Variants in TYMS observed in about 807,000 individuals in gnomAD.
The protein encoded by TYMS is thymidylate synthase.
Under a neutral mutation model 39.3 loss-of-function variants are expected in TYMS, and 21 were observed. That is an observed-to-expected ratio of 0.54 (90% CI 0.38 to 0.77). TYMS has a LOEUF of 0.77. Among genes scored for constraint, TYMS ranks in the 30% least tolerant of loss-of-function variants. The pLI, the probability that TYMS is intolerant of heterozygous loss-of-function variation, is 0.00. For missense variants in TYMS, 273 were observed against 406.7 expected (o/e 0.67, Z 2.83); for synonymous variants, 171 against 162.2 (o/e 1.05, Z -0.41).
chr18:673,060 T>TA lies in TYMS; in HGVS notation c.*67dup. Reference sequence around the variant, plus strand: ...TTAGGGGTTGGGCTGGATGCCGAGGTAAAAGTTCTTTTTGCTCTAAAAGAA... The same window carrying TA: ...TTAGGGGTTGGGCTGGATGCCGAGGTAAAAAGTTCTTTTTGCTCTAAAAGAA... On this transcript the variant is annotated 3_prime_UTR_variant, in exon 7 of 7. Transcript: ENST00000323274. The TA allele has an allele frequency of 7.0e-7, 1 of 1,431,622 alleles. No individual in the cohort carries two copies. Among genetic ancestry groups the TA allele is most frequent in the Non-Finnish European group, 9.3e-7 (1 of 1,074,874 alleles). 88.7% of individuals were successfully genotyped at this position (1,431,622 alleles called of 1,614,324 possible). A position where few individuals can be genotyped will look rare whatever the true frequency, so the allele number is the denominator to read the frequency against.
At chr18:667,340 TGATGGA>T (rs1298897687) in intron 3 of TYMS, among the ~76,000 whole-genome samples, 1 of 25,118 alleles carries the variant, frequency 4.0e-5, no homozygotes, top group Non-Finnish European at 6.9e-5. Flanking sequence ...ATGGAGATGG[TGATGGA>T]GATGGTGATG....
At chr18:671,503 G>C (rs2144382819) in intron 6 of TYMS, 52 bp downstream of exon 6, 1 of 1,175,620 alleles carries the variant, frequency 8.5e-7, no homozygotes, top group East Asian at 2.3e-5. Context: ...TTGATAAAAG[G>C]TTGACTGTGG....
At position 669,063 on chromosome 18, in the gene TYMS, A is replaced by G; in HGVS notation, c.455-9A>G. 3.7e-6 allele frequency: 6 copies of G among 1,611,560 alleles called. No individual in the cohort carries two copies. Among genetic ancestry groups the G allele is most frequent in the Non-Finnish European group, 5.1e-6 (6 of 1,177,736 alleles). On this transcript the variant is annotated splice_polypyrimidine_tract_variant and intron_variant, in intron 3 of 6. Coordinates refer to ENST00000323274, the MANE Select transcript of TYMS (RefSeq NM_001071.4). The stretch of plus-strand genomic sequence containing the variant: ...ATGTACCTGTCCTCTCTTTTTGACA[A>G]TTCTACAGATTATTCAGGACAGGGA...
At chr18:670,654 C>G in intron 4 of TYMS, 38 bp from the exon 5 acceptor site, 1 of 1,606,510 alleles carries the variant, frequency 6.2e-7, no homozygotes, top group Non-Finnish European at 8.5e-7. Context: ...GTCTTTCAAA[C>G]CACCATCCCT....
chr18:658,330 G>A lies in TYMS; in HGVS notation c.205+383G>A, dbSNP rs2074715778. 2 of 1,358,434 alleles carry A rather than the reference G, an allele frequency of 1.5e-6. No homozygotes were observed. The highest frequency in any genetic ancestry group is 1.9e-6 in the Non-Finnish European group (2 of 1,025,964). 84.1% of individuals were successfully genotyped at this position (1,358,434 alleles called of 1,614,324 possible). A position where few individuals can be genotyped will look rare whatever the true frequency, so the allele number is the denominator to read the frequency against. Reference sequence around the variant, plus strand: ...CGCCGGTCTCAAAGTCCTGGCTTTGGCCCCTCCTCCGTTTTCCCCTGTGGA... The same window carrying A: ...CGCCGGTCTCAAAGTCCTGGCTTTGACCCCTCCTCCGTTTTCCCCTGTGGA... On this transcript the variant is annotated intron_variant, in intron 1 of 6. Coordinates refer to ENST00000323274, the MANE Select transcript of TYMS (RefSeq NM_001071.4). This position sits in a 1 kb window ranked among gnomAD's most constrained non-coding sequence, Gnocchi z 4.5.
In TYMS at chr18:658,357, C is replaced by T; in HGVS notation, c.205+410C>T. 7.7e-7 allele frequency: 1 copy of T among 1,301,080 alleles called. No homozygotes were observed. Among genetic ancestry groups the T allele is most frequent in the Non-Finnish European group, 1.0e-6 (1 of 997,052 alleles). 80.6% of individuals were successfully genotyped at this position (1,301,080 alleles called of 1,614,324 possible). ...CCCTCCTCCGTTTTCCCCTGTGGAC[C>T]ATTCCGCTTCGCAGCGTTTTCAAAA... On this transcript the variant is annotated intron_variant, in intron 1 of 6. Coordinates refer to ENST00000323274, the MANE Select transcript of TYMS (RefSeq NM_001071.4). The surrounding 1 kb of genome is among the most constrained non-coding windows in gnomAD (Gnocchi z 4.5).
intron 1 of TYMS, among the ~76,000 whole-genome samples, chr18:659,248 G>A (rs1439402013): frequency 6.6e-6 from 1 of 152,146 alleles, no homozygotes; most frequent in Non-Finnish European, 1.5e-5. Context: ...TTTCTCTGTG[G>A]CTCGACACTT....
At chr18:662,434 T>C (rs1021929160) in intron 3 of TYMS, 114 bp downstream of exon 3, 14 of 1,006,548 alleles carry the variant, frequency 1.4e-5, no homozygotes, top group Admixed American at 2.7e-5. Flanking sequence ...AGCTGATGTA[T>C]AGCTTTGACC....
intron 3 of TYMS, among the ~76,000 whole-genome samples, chr18:665,224 A>G (rs1277814152): frequency 2.0e-5 from 3 of 150,862 alleles, no homozygotes; most frequent in Non-Finnish European, 1.5e-5. Context: ...CAGAGATTCA[A>G]CTTCTTCCTG....
At chr18:661,756 T>C (rs2015944) in intron 2 of TYMS, among the ~76,000 whole-genome samples, 84,109 of 152,092 alleles carry the variant, frequency 0.55, 24,866 homozygotes, top group African/African-American at 0.78. Flanking sequence ...GAGGCCGAAG[T>C]GGGCGGATCA....
In TYMS at chr18:667,992, A is replaced by ATTTTTTTTTT. The variant is rs60409589; in HGVS notation, c.455-1070_455-1061dup. Among the ~76,000 whole-genome samples, 230 of 105,328 alleles carry ATTTTTTTTTT rather than the reference A, an allele frequency of 2.2e-3. 18 individuals are homozygous for ATTTTTTTTTT. The highest frequency in any genetic ancestry group is 8.9e-3 in the African/African-American group (195 of 21,820). The allele number at this position is 105,328 out of a possible 152,430, so 69.1% of individuals were successfully genotyped here. On this transcript the variant is annotated intron_variant, in intron 3 of 6. Transcript: ENST00000323274. ...AATTTTGTTTTACAGATTCACAGGA[A>ATTTTTTTTTT]TTTTTTTTTTTTTTTTTTTAATGCA...
intron 3 of TYMS, among the ~76,000 whole-genome samples, chr18:668,223 G>A (rs762421486): frequency 1.3e-5 from 2 of 150,646 alleles, no homozygotes; most frequent in Non-Finnish European, 3.0e-5. Flanking sequence ...CACTACCAAG[G>A]TTCATCTTTT....
chr18:659,733 T>G lies in TYMS; in HGVS notation c.279+19T>G. The G allele has an allele frequency of 1.2e-6, 2 of 1,603,438 alleles. No homozygotes were observed. Among genetic ancestry groups the G allele is most frequent in the Non-Finnish European group, 1.7e-6 (2 of 1,170,202 alleles). On this transcript the variant is annotated intron_variant, in intron 2 of 6. Coordinates refer to ENST00000323274, the MANE Select transcript of TYMS (RefSeq NM_001071.4). ...TATCAAGGTAAAGAAGTCGCTGCTA[T>G]TAGAAGTCAGTAGTCTGTTCTCAAC...
chr18:665,132 T>C (rs1408655360), intron 3 of TYMS, among the ~76,000 whole-genome samples: 1 of 148,498 alleles, frequency 6.7e-6, no homozygotes, highest in Non-Finnish European at 1.5e-5. Context: ...AATTCGGCTG[T>C]GAATCCATCT....
At position 673,243 on chromosome 18, in the gene TYMS, G is replaced by C. The variant is rs1029782643; in HGVS notation, c.*246G>C. The C allele has an allele frequency of 5.8e-6, 2 of 342,304 alleles. No individual in the cohort carries two copies. Among genetic ancestry groups the C allele is most frequent in the Non-Finnish European group, 1.1e-5 (2 of 189,418 alleles). 21.2% of individuals were successfully genotyped at this position (342,304 alleles called of 1,614,324 possible). On this transcript the variant is annotated 3_prime_UTR_variant, in exon 7 of 7. Coordinates refer to ENST00000323274, the MANE Select transcript of TYMS (RefSeq NM_001071.4). ...ACAATGCTGAGGTTATGAACAAAGT[G>C]AGGAGAATGAAATGTATGTGCTCTT... is the stretch of plus-strand genomic sequence containing the variant.
chr18:658,206 C>CA lies in TYMS; in HGVS notation c.205+260dup, dbSNP rs1598461435. 1 of 1,525,184 alleles carries CA rather than the reference C, an allele frequency of 6.6e-7. No individual in the cohort carries two copies. The highest frequency in any genetic ancestry group is 8.8e-7 in the Non-Finnish European group (1 of 1,130,564). The allele number at this position is 1,525,184 out of a possible 1,614,324, so 94.5% of individuals were successfully genotyped here. A position where few individuals can be genotyped will look rare whatever the true frequency, so the allele number is the denominator to read the frequency against. ...CCCAGCGGCTCCGCGGCCGGGCTCG[C>CA]AGTCGCCCCAGTGATGCCGTGGCCC... On this transcript the variant is annotated intron_variant, in intron 1 of 6. Coordinates refer to ENST00000323274, the MANE Select transcript of TYMS (RefSeq NM_001071.4). The surrounding 1 kb of genome is among the most constrained non-coding windows in gnomAD (Gnocchi z 4.5).
In TYMS at chr18:658,021, G is replaced by A; in HGVS notation, c.205+74G>A. On this transcript the variant is annotated intron_variant, in intron 1 of 6. Coordinates refer to ENST00000323274, the MANE Select transcript of TYMS (RefSeq NM_001071.4). The surrounding 1 kb of genome is among the most constrained non-coding windows in gnomAD (Gnocchi z 4.5). ...CGGCTGGGGAGAGCGCTCGGGAGCT[G>A]CCGGGCGCTGCGGACCCCGTTTAGT... 4 of 1,531,076 alleles carry A rather than the reference G, an allele frequency of 2.6e-6. No homozygotes were observed. The highest frequency in any genetic ancestry group is 3.5e-6 in the Non-Finnish European group (4 of 1,140,694). 94.8% of individuals were successfully genotyped at this position (1,531,076 alleles called of 1,614,324 possible). A position where few individuals can be genotyped will look rare whatever the true frequency, so the allele number is the denominator to read the frequency against.
chr18:658,874 A>G lies in TYMS; in HGVS notation c.206-767A>G. 6.2e-6 allele frequency: 1 copy of G among 161,494 alleles called. No individual in the cohort carries two copies. The highest frequency in any genetic ancestry group is 1.3e-5 in the Non-Finnish European group (1 of 74,618). 10.0% of individuals were successfully genotyped at this position (161,494 alleles called of 1,614,324 possible). A position where few individuals can be genotyped will look rare whatever the true frequency, so the allele number is the denominator to read the frequency against. ...AAGCAGATTCACTGTAGCTAGCGGA[A>G]AAGCCCTCCGGCCCACGGACCCATC... On this transcript the variant is annotated intron_variant, in intron 1 of 6. Coordinates refer to ENST00000323274, the MANE Select transcript of TYMS (RefSeq NM_001071.4). The surrounding 1 kb of genome is among the most constrained non-coding windows in gnomAD (Gnocchi z 4.5).
chr18:665,501 T>C (rs1176632701), intron 3 of TYMS, among the ~76,000 whole-genome samples: 3 of 144,006 alleles, frequency 2.1e-5, no homozygotes, highest in Non-Finnish European at 4.5e-5. Context: ...GGGTTTTTTG[T>C]GTCTCTATTT....
Sources: allele counts gnomAD v4.1 joint callset (sites outside exome capture counted in the v4.1 genomes callset), GRCh38; gene constraint gnomAD v4.1.1; non-coding constraint Gnocchi (gnomAD v3.1); transcripts MANE v1.5; gene names NCBI Gene and HGNC (gene_info 2026-07-23, HGNC 2026-07-21).